The following PALS1 variants were observed in gnomAD, a reference collection of about 807,000 sequenced individuals.
The protein encoded by PALS1 is protein associated with LIN7 1, MAGUK p55 family member, also known as protein PALS1.
A neutral mutation model predicts 78.9 loss-of-function variants in PALS1; 31 were observed. The ratio of observed to expected loss-of-function variants is 0.39; its 90% CI spans 0.30 to 0.53. PALS1 has a LOEUF of 0.53. PALS1 is among the 20% of genes least tolerant of loss of function. The pLI is 0.67. For synonymous variants in PALS1, 276 were observed against 270.9 expected (o/e 1.02, Z -0.18); for missense variants, 704 against 826.5 (o/e 0.85, Z 1.82).
intron 3 of PALS1, among the ~76,000 whole-genome samples, chr14:67,282,449 A>G (rs1300478191): frequency 6.6e-6 from 1 of 152,168 alleles, no homozygotes; most frequent in Non-Finnish European, 1.5e-5. Context: ...TGAGTAGACA[A>G]AGTATTCTTT....
chr14:67,261,833 T>C (rs969262469), intron 1 of PALS1, among the ~76,000 whole-genome samples: 4 of 152,144 alleles, frequency 2.6e-5, no homozygotes, highest in Non-Finnish European at 4.4e-5. Context: ...AATAAACTTG[T>C]AGTCTGTTAG....
At chr14:67,297,367 G>A (rs2084872624) in intron 4 of PALS1, among the ~76,000 whole-genome samples, 1 of 152,116 alleles carries the variant, frequency 6.6e-6, no homozygotes, top group African/African-American at 2.4e-5. Flanking sequence ...AAGAGGTAAT[G>A]GAAGAATTAA....
intron 13 of PALS1, among the ~76,000 whole-genome samples, chr14:67,323,265 A>G (rs376739138): frequency 0.064 from 8,490 of 131,878 alleles, 540 homozygotes; most frequent in African/African-American, 0.19. Flanking sequence ...GTGTGTGTAT[A>G]TATATATATG....
intron 1 of PALS1, among the ~76,000 whole-genome samples, chr14:67,264,389 G>C (rs1392338600): frequency 6.6e-6 from 1 of 151,902 alleles, no homozygotes; most frequent in Non-Finnish European, 1.5e-5. Context: ...AATCTCATTC[G>C]TCTGTTTTTG....
At chr14:67,281,827 T>C (rs76369843) in intron 3 of PALS1, among the ~76,000 whole-genome samples, 1 of 152,130 alleles carries the variant, frequency 6.6e-6, no homozygotes, top group Admixed American at 6.5e-5. Flanking sequence ...TTTTTTGCTT[T>C]TTCCTGTTTC....
chr14:67,325,195 AGG>A (rs1234537887), intron 14 of PALS1, among the ~76,000 whole-genome samples: 1 of 152,076 alleles, frequency 6.6e-6, no homozygotes, highest in Non-Finnish European at 1.5e-5. Flanking sequence ...GTGAGCCACC[AGG>A]CCCAGCCTCC....
intron 8 of PALS1, among the ~76,000 whole-genome samples, chr14:67,310,874 T>C (rs1469805266): frequency 2.0e-5 from 3 of 152,224 alleles, no homozygotes; most frequent in African/African-American, 7.2e-5. Flanking sequence ...TTAGCATTTT[T>C]TCCAATTTCA....
chr14:67,291,467 T>G (rs966285745), intron 3 of PALS1, among the ~76,000 whole-genome samples: 3 of 152,102 alleles, frequency 2.0e-5, no homozygotes, highest in South Asian at 2.1e-4. Flanking sequence ...GTATTTTTAA[T>G]AGAGACGGGG....
At chr14:67,320,199 GT>G (rs2085241355) in intron 11 of PALS1, 30 bp from the exon 12 acceptor site, 2 of 1,593,244 alleles carry the variant, frequency 1.3e-6, no homozygotes, top group South Asian at 2.3e-5. Context: ...CCATAATTTT[GT>G]TTGAAGAGCT....
chr14:67,284,263 T>G (rs2140730370), intron 3 of PALS1, among the ~76,000 whole-genome samples: 1 of 152,080 alleles, frequency 6.6e-6, no homozygotes, highest in Non-Finnish European at 1.5e-5. Flanking sequence ...CATAAAATTT[T>G]GTCTTTTAAA....
chr14:67,315,714 T>A (rs1256241541), intron 9 of PALS1, among the ~76,000 whole-genome samples: 1 of 152,140 alleles, frequency 6.6e-6, no homozygotes, highest in Non-Finnish European at 1.5e-5. Context: ...CACCTGAGAT[T>A]AGGAGTTTAA....
Position 67,301,838 on chromosome 14 carries a change from T to C in PALS1, c.655-134T>C, listed in dbSNP as rs2084936076. 4 of 1,040,216 alleles carry C rather than the reference T, an allele frequency of 3.8e-6. No individual in the cohort carries two copies. In the East Asian group the frequency reaches 1.1e-4, roughly 29 times the overall value. 64.4% of individuals were successfully genotyped at this position (1,040,216 alleles called of 1,614,324 possible). A position where few individuals can be genotyped will look rare whatever the true frequency, so the allele number is the denominator to read the frequency against. ...ATGCCCTTAGTATACTTAACACATC[T>C]TTATTATTAGCTCTAATTAATTATA... On this transcript the variant is annotated intron_variant, in intron 5 of 14. Coordinates refer to ENST00000261681, the MANE Select transcript of PALS1 (RefSeq NM_022474.4).
At position 67,334,951 on chromosome 14, in the gene PALS1, T is replaced by A. The variant is rs2085507294; in HGVS notation, c.*1995T>A. On this transcript the variant is annotated 3_prime_UTR_variant, in exon 15 of 15. Transcript: ENST00000261681. Reference sequence around the variant, plus strand: ...GAGCTAAACTATTGGCAGTTCATGTTAAGTTAGAGTGAGGGTGTAGGTAGT... The same window carrying A: ...GAGCTAAACTATTGGCAGTTCATGTAAAGTTAGAGTGAGGGTGTAGGTAGT... 6.6e-6 allele frequency: 1 copy of A among 152,230 alleles called. No homozygotes were observed. The highest frequency in any genetic ancestry group is 1.5e-5 in the Non-Finnish European group (1 of 68,040). 9.4% of individuals were successfully genotyped at this position (152,230 alleles called of 1,614,324 possible). A position where few individuals can be genotyped will look rare whatever the true frequency, so the allele number is the denominator to read the frequency against.
At chr14:67,330,550 C>A (rs1294847351) in intron 14 of PALS1, among the ~76,000 whole-genome samples, 1 of 151,204 alleles carries the variant, frequency 6.6e-6, no homozygotes, top group Non-Finnish European at 1.5e-5. Context: ...CCTCTGCCTC[C>A]CGGGTTCAAG....
chr14:67,325,996 T>C (rs1443622099), intron 14 of PALS1, among the ~76,000 whole-genome samples: 3 of 145,846 alleles, frequency 2.1e-5, no homozygotes, highest in Non-Finnish European at 4.5e-5. Context: ...TTTTTTTTTT[T>C]TTGTATTTTT....
intron 11 of PALS1, among the ~76,000 whole-genome samples, chr14:67,319,680 GC>G (rs2085232508): frequency 6.6e-6 from 1 of 152,068 alleles, no homozygotes; most frequent in Non-Finnish European, 1.5e-5. Context: ...TTCGCATTGG[GC>G]CCCATTCAAA....
At chr14:67,246,522 G>A (rs972691002) in intron 1 of PALS1, among the ~76,000 whole-genome samples, 1 of 151,940 alleles carries the variant, frequency 6.6e-6, no homozygotes, top group Non-Finnish European at 1.5e-5. Flanking sequence ...AAAATTTTTT[G>A]TAGAGACAAG....
chr14:67,245,843 C>A (rs925754484), intron 1 of PALS1, among the ~76,000 whole-genome samples: 3 of 151,674 alleles, frequency 2.0e-5, no homozygotes, highest in African/African-American at 7.3e-5. Context: ...GCTCAATCCA[C>A]GGTCAGAGAG....
chr14:67,257,073 G>A (rs1432075083), intron 1 of PALS1, among the ~76,000 whole-genome samples: 2 of 152,044 alleles, frequency 1.3e-5, no homozygotes, highest in Non-Finnish European at 2.9e-5. Context: ...GGTTTGATCC[G>A]GTAAGACGGA....
Sources: gnomAD v4.1 joint callset for allele counts (sites outside exome capture counted in the v4.1 genomes callset) on GRCh38, gnomAD v4.1.1 for gene constraint, MANE v1.5 for transcripts, NCBI Gene and HGNC (gene_info 2026-07-23, HGNC 2026-07-21) for gene names.